The following BRDT variants were observed in gnomAD, a reference collection of about 807,000 sequenced individuals.
The protein encoded by BRDT is bromodomain testis associated.
Under a neutral mutation model 113.9 loss-of-function variants are expected in BRDT, and 77 were observed. That is an observed-to-expected ratio of 0.68 (90% CI 0.56 to 0.82). The LOEUF (loss-of-function observed/expected upper bound fraction) is 0.82, where lower values mean the gene tolerates loss of function less well. Among genes scored for constraint, BRDT ranks in the 40% least tolerant of loss-of-function variants. The pLI is 0.00. For missense variants in BRDT, 1,027 were observed against 1,105.4 expected, an observed-to-expected ratio of 0.93 and a Z score of 1.01; for synonymous variants, 358 against 366.5, an observed-to-expected ratio of 0.98 and a Z score of 0.26.
intron 17 of BRDT, 100 bp downstream of exon 17, chr1:92,004,719 T>C (rs1687150046): frequency 8.2e-6 from 9 of 1,095,668 alleles, no homozygotes; most frequent in South Asian, 3.7e-5. Context: ...TTCAACTGTT[T>C]AGTAGAACAC....
rs569880090 is a variant in BRDT, at chr1:92,005,360, T to C, written c.2775+61T>C. 2.9e-6 allele frequency: 4 copies of C among 1,397,008 alleles called. No individual in the cohort carries two copies. In the African/African-American group the frequency reaches 4.4e-5, roughly 16 times the overall value. The allele number at this position is 1,397,008 out of a possible 1,614,324, so 86.5% of individuals were successfully genotyped here. A position where few individuals can be genotyped will look rare whatever the true frequency, so the allele number is the denominator to read the frequency against. ...AAGGGAAAGATTTAACAGAGCACTGTCTTTTGTATGTTCAAGGATGCATTT... is the reference window on the plus strand; with the variant it reads ...AAGGGAAAGATTTAACAGAGCACTGCCTTTTGTATGTTCAAGGATGCATTT... On this transcript the variant is annotated intron_variant, in intron 18 of 18. Coordinates refer to ENST00000399546, the MANE Select transcript of BRDT (RefSeq NM_207189.4).
Position 91,976,251 on chromosome 1 carries a change from C to A in BRDT, c.446-15C>A. 6.4e-7 allele frequency: 1 copy of A among 1,570,096 alleles called. No homozygotes were observed. Among genetic ancestry groups the A allele is most frequent in the South Asian group, 1.2e-5 (1 of 82,832 alleles). The stretch of plus-strand genomic sequence containing the variant: ...TATTCATTCATATATTTGATTCTGG[C>A]TCATACTTTTCCAGGCACTCAACAG... On this transcript the variant is annotated splice_polypyrimidine_tract_variant and intron_variant, in intron 4 of 18. Coordinates refer to ENST00000399546, the MANE Select transcript of BRDT (RefSeq NM_207189.4).
intron 3 of BRDT, among the ~76,000 whole-genome samples, chr1:91,965,740 G>A (rs1395703932): frequency 3.3e-5 from 5 of 151,992 alleles, no homozygotes; most frequent in East Asian, 1.9e-4. Context: ...CCAGCTACTC[G>A]GGAGGCTGAG....
intron 18 of BRDT, 109 bp from the exon 19 acceptor site, chr1:92,014,097 G>T (rs1343641037): frequency 4.4e-6 from 3 of 684,026 alleles, no homozygotes; most frequent in Non-Finnish European, 7.1e-6. Context: ...TTATTGAATA[G>T]TTTTCTTTTG....
intron 12 of BRDT, among the ~76,000 whole-genome samples, chr1:91,985,638 C>CTTTTTTTTT (rs57330647): frequency 2.8e-5 from 3 of 108,610 alleles, no homozygotes; most frequent in Non-Finnish European, 5.2e-5. Flanking sequence ...ATTAGTTTTG[C>CTTTTTTTTT]TTTTTTTTTT....
At chr1:91,981,980 T>C (rs1684773425) in intron 12 of BRDT, among the ~76,000 whole-genome samples, 1 of 152,154 alleles carries the variant, frequency 6.6e-6, no homozygotes, top group African/African-American at 2.4e-5. Flanking sequence ...TGTGTAATGC[T>C]GAAAAAAAGT....
Position 92,004,614 on chromosome 1 carries a change from T to G in BRDT, c.2589T>G (p.Asn863Lys), listed in dbSNP as rs780653334. Residue 863 changes from asparagine (N) to lysine (K), a missense_variant, in exon 17 of 19, where the codon AAT (asparagine) becomes AAG (lysine). Coordinates refer to ENST00000399546, the MANE Select transcript of BRDT (RefSeq NM_207189.4). ...NTKELKASQE[N>K]QRDLGNGLTV... ...AGGAACTAAAAGCATCTCAAGAAAA[T>G]CAGAGGTCTGTAATTTACTGGATTA... 3.1e-6 allele frequency: 5 copies of G among 1,601,342 alleles called. No homozygotes were observed. In the African/African-American group the frequency reaches 6.8e-5, roughly 22 times the overall value.
intron 18 of BRDT, among the ~76,000 whole-genome samples, chr1:92,006,215 G>T (rs563421325): frequency 6.6e-6 from 1 of 152,294 alleles, no homozygotes; most frequent in Non-Finnish European, 1.5e-5. Context: ...GTTGGATAGG[G>T]TGTTAATCAG....
intron 4 of BRDT, among the ~76,000 whole-genome samples, chr1:91,970,481 C>T (rs1276353174): frequency 1.3e-5 from 2 of 151,940 alleles, no homozygotes; most frequent in African/African-American, 2.4e-5. Context: ...TGCCCAGGCT[C>T]ATCTTGAACT....
At chr1:92,007,994 T>A (rs1687480823) in intron 18 of BRDT, among the ~76,000 whole-genome samples, 2 of 152,158 alleles carry the variant, frequency 1.3e-5, no homozygotes, top group Admixed American at 1.3e-4. Flanking sequence ...CTCAGCTCAC[T>A]GCAACCTCCA....
At position 91,962,935 on chromosome 1, in the gene BRDT, C is replaced by T. The variant is rs1450815839; in HGVS notation, c.181C>T (p.Leu61=). The change falls in exon 2 of 19, where the codon CTA becomes TTA. Residue 61 remains leucine (L), a synonymous_variant. Coordinates refer to ENST00000399546, the MANE Select transcript of BRDT (RefSeq NM_207189.4). ...TCAACGTCCTGTGGATGCTGTGAAA[C>T]TACAGTTGCCTGTATGTATGTCTTC... The part of the protein sequence containing the change: ...PFQRPVDAVK[L]QLPDYYTIIK... 3.1e-6 allele frequency: 5 copies of T among 1,593,238 alleles called. No homozygotes were observed. The highest frequency in any genetic ancestry group is 4.3e-6 in the Non-Finnish European group (5 of 1,172,968).
intron 15 of BRDT, among the ~76,000 whole-genome samples, chr1:91,994,726 G>C (rs1295633449): frequency 6.6e-6 from 1 of 151,200 alleles, no homozygotes; most frequent in African/African-American, 2.4e-5. Context: ...AAATTAGCCG[G>C]GCGCAGTGGC....
chr1:91,983,705 T>C (rs1239856427), intron 12 of BRDT, among the ~76,000 whole-genome samples: 1 of 151,788 alleles, frequency 6.6e-6, no homozygotes, highest in African/African-American at 2.4e-5. Flanking sequence ...TTTTTTTTTT[T>C]TGAGACGGAT....
intron 1 of BRDT, chr1:91,950,843 G>A (rs1680983624): frequency 6.6e-6 from 1 of 151,898 alleles, no homozygotes; most frequent in Non-Finnish European, 1.5e-5. Context: ...TGGCCGACAT[G>A]GCGAAACCCC....
At chr1:91,991,662 C>T (rs1166003811) in intron 13 of BRDT, among the ~76,000 whole-genome samples, 3 of 152,174 alleles carry the variant, frequency 2.0e-5, no homozygotes, top group East Asian at 3.9e-4. Context: ...TCCATTTTGG[C>T]ACATCTATGT....
chr1:92,008,476 C>G (rs2101827085), intron 18 of BRDT, among the ~76,000 whole-genome samples: 1 of 152,258 alleles, frequency 6.6e-6, no homozygotes, highest in Non-Finnish European at 1.5e-5. Flanking sequence ...TGCCCTCCCC[C>G]ACCATCAATG....
At chr1:91,966,299 G>A (rs1187264537) in intron 3 of BRDT, among the ~76,000 whole-genome samples, 1 of 152,154 alleles carries the variant, frequency 6.6e-6, no homozygotes, top group East Asian at 1.9e-4. Flanking sequence ...CAAAATCACT[G>A]GTGAGTACAC....
chr1:91,960,080 C>CTCTTGT (rs1333426552), intron 1 of BRDT, among the ~76,000 whole-genome samples: 2 of 152,156 alleles, frequency 1.3e-5, no homozygotes, highest in Non-Finnish European at 2.9e-5. Flanking sequence ...AGAAATTGAA[C>CTCTTGT]TCTTGTACGT....
chr1:91,958,569 G>C (rs1263013940), intron 1 of BRDT, among the ~76,000 whole-genome samples: 1 of 152,128 alleles, frequency 6.6e-6, no homozygotes, highest in African/African-American at 2.4e-5. Context: ...GAATGTAGTA[G>C]AGTGTATTTA....
Sources: gnomAD v4.1 joint callset for allele counts (sites outside exome capture counted in the v4.1 genomes callset) on GRCh38, gnomAD v4.1.1 for gene constraint, MANE v1.5 for transcripts, NCBI Gene and HGNC (gene_info 2026-07-23, HGNC 2026-07-21) for gene names.